CCL7: variants seen among roughly 807,000 people sequenced by gnomAD.
The protein encoded by CCL7 is C-C motif chemokine 7.
In CCL7, 8 loss-of-function variants were observed where a neutral mutation model predicts 7.1. The observed-to-expected ratio is 1.13, with a 90% confidence interval of 0.66 to 2.04. CCL7 has a LOEUF of 2.04. Among genes scored for constraint, CCL7 ranks in the 30% most tolerant of loss-of-function variants. The pLI is 0.00. For missense variants in CCL7, 134 were observed against 113.6 expected (o/e 1.18, Z -0.82); for synonymous variants, 46 against 41.2 (o/e 1.12, Z -0.45).
rs759205043 is a variant in CCL7, at chr17:34,272,102, G to A, written c.*300G>A. 4 of 256,582 alleles carry A rather than the reference G, an allele frequency of 1.6e-5. No homozygotes were observed. The highest frequency in any genetic ancestry group is 2.9e-5 in the Non-Finnish European group (4 of 135,960). The allele number at this position is 256,582 out of a possible 1,614,324, so 15.9% of individuals were successfully genotyped here. On this transcript the variant is annotated 3_prime_UTR_variant, in exon 3 of 3. Coordinates refer to ENST00000378569, the MANE Select transcript of CCL7 (RefSeq NM_006273.4). ...TCTACCTCATGGGGGTATTGTATAAGTCCTTGCAAGAATCAGTGCAAAGAT... is the reference window on the plus strand; with the variant it reads ...TCTACCTCATGGGGGTATTGTATAAATCCTTGCAAGAATCAGTGCAAAGAT...
intron 1 of CCL7, among the ~76,000 whole-genome samples, chr17:34,270,742 C>A (rs1290257683): frequency 6.6e-6 from 1 of 152,160 alleles, no homozygotes; most frequent in Non-Finnish European, 1.5e-5. Context: ...TCTGTGGAAG[C>A]CCAGCTTCCA....
At position 34,272,227 on chromosome 17, in the gene CCL7, A is replaced by C. The variant is rs1224520582; in HGVS notation, c.*425A>C. 1 of 158,904 alleles carries C rather than the reference A, an allele frequency of 6.3e-6. No homozygotes were observed. Among genetic ancestry groups the C allele is most frequent in the Non-Finnish European group, 1.4e-5 (1 of 72,858 alleles). The allele number at this position is 158,904 out of a possible 1,614,324, so 9.8% of individuals were successfully genotyped here. A position where few individuals can be genotyped will look rare whatever the true frequency, so the allele number is the denominator to read the frequency against. On this transcript the variant is annotated 3_prime_UTR_variant, in exon 3 of 3. Transcript: ENST00000378569. ...TGACTCCCAAATTTTCACATAAAAT[A>C]GATTTTTGTATAACAGCTGCCATTC...
intron 1 of CCL7, 123 bp downstream of exon 1, chr17:34,270,489 CT>C: frequency 1.3e-6 from 1 of 783,004 alleles, no homozygotes; most frequent in Non-Finnish European, 2.0e-6. Flanking sequence ...GATAAGGTAA[CT>C]TAGAAAAAGG....
Position 34,271,777 on chromosome 17 carries a change from AG to A in CCL7, c.276del (p.Thr94ProfsTer10). ...WVQDFMKHLDKKTQTPKL is the reference protein window; with the variant it reads ...WVQDFMKHLDXKTQTPKL ...CAGGACTTTATGAAGCACCTGGACAAGAAAACCCAAACTCCAAAGCTTTGAA... is the reference window on the plus strand; with the variant it reads ...CAGGACTTTATGAAGCACCTGGACAAAAAACCCAAACTCCAAAGCTTTGAA... On this transcript the variant is annotated frameshift_variant, in exon 3 of 3. Coordinates refer to ENST00000378569, the MANE Select transcript of CCL7 (RefSeq NM_006273.4). LOFTEE classifies it high-confidence loss of function. 1.2e-6 allele frequency: 2 copies of A among 1,612,366 alleles called. No individual in the cohort carries two copies. The highest frequency in any genetic ancestry group is 1.7e-6 in the Non-Finnish European group (2 of 1,178,974).
intron 1 of CCL7, 61 bp downstream of exon 1, chr17:34,270,427 C>A: frequency 7.4e-7 from 1 of 1,354,338 alleles, no homozygotes; most frequent in Non-Finnish European, 1.0e-6. Context: ...TATCCTGGAC[C>A]AATCAAGAAG....
At chr17:34,270,439 C>T (rs1312798943) in intron 1 of CCL7, 73 bp downstream of exon 1, 39 of 1,183,912 alleles carry the variant, frequency 3.3e-5, no homozygotes, top group South Asian at 2.5e-4. Context: ...ATCAAGAAGA[C>T]CTGATACCCA....
chr17:34,270,347 C>A lies in CCL7; in HGVS notation c.57C>A (p.Pro19=). 1 of 1,614,182 alleles carries A rather than the reference C, an allele frequency of 6.2e-7. No homozygotes were observed. The highest frequency in any genetic ancestry group is 8.5e-7 in the Non-Finnish European group (1 of 1,180,010). The change falls in exon 1 of 3, where the codon CCC becomes CCA. Residue 19 remains proline, a synonymous_variant. Transcript: ENST00000378569. ...CLLLTAAAFS[P]QGLAQPVGIN... Reference sequence around the variant, plus strand: ...TGCTCACAGCAGCTGCTTTCAGCCCCCAGGGGCTTGCTCAGCCAGGTAAGG... The same window carrying A: ...TGCTCACAGCAGCTGCTTTCAGCCCACAGGGGCTTGCTCAGCCAGGTAAGG...
chr17:34,272,114 A>C lies in CCL7; in HGVS notation c.*312A>C. On this transcript the variant is annotated 3_prime_UTR_variant, in exon 3 of 3. Coordinates refer to ENST00000378569, the MANE Select transcript of CCL7 (RefSeq NM_006273.4). ...GGGTATTGTATAAGTCCTTGCAAGA[A>C]TCAGTGCAAAGATTTGCTTTAATTG... 1 of 230,766 alleles carries C rather than the reference A, an allele frequency of 4.3e-6. No individual in the cohort carries two copies. Among genetic ancestry groups the C allele is most frequent in the Non-Finnish European group, 8.4e-6 (1 of 119,732 alleles). The allele number at this position is 230,766 out of a possible 1,614,324, so 14.3% of individuals were successfully genotyped here. A position where few individuals can be genotyped will look rare whatever the true frequency, so the allele number is the denominator to read the frequency against.
chr17:34,270,317 T>C lies in CCL7; in HGVS notation c.27T>C (p.Cys9=), dbSNP rs763280882. 13 of 1,614,078 alleles carry C rather than the reference T, an allele frequency of 8.1e-6. No individual in the cohort carries two copies. Among genetic ancestry groups the C allele is most frequent in the Non-Finnish European group, 1.0e-5 (12 of 1,180,046 alleles). Residue 9 remains cysteine, a synonymous_variant, in exon 1 of 3, where the codon TGT becomes TGC. Coordinates refer to ENST00000378569, the MANE Select transcript of CCL7 (RefSeq NM_006273.4). MKASAALL[C]LLLTAAAFSP... ...TGAAAGCCTCTGCAGCACTTCTGTG[T>C]CTGCTGCTCACAGCAGCTGCTTTCA...
At position 34,270,238 on chromosome 17, in the gene CCL7, C is replaced by G. The variant is rs1157100495; in HGVS notation, c.-53C>G. 1.9e-6 allele frequency: 3 copies of G among 1,574,914 alleles called. 1 individual carries two copies. In the South Asian group the frequency reaches 3.3e-5, roughly 17 times the overall value. ...TCCAGAGGAGCAGAGGGGCTGAGAC[C>G]AAACCAGAAACCTCCAATTCTCATG... On this transcript the variant is annotated 5_prime_UTR_variant, in exon 1 of 3. Transcript: ENST00000378569.
intron 1 of CCL7, 48 bp from the exon 2 acceptor site, chr17:34,271,098 C>T (rs759357997): frequency 1.2e-6 from 2 of 1,613,450 alleles, no homozygotes; most frequent in South Asian, 1.1e-5. Flanking sequence ...AACAGAAAGA[C>T]CCAGGACACA....
intron 2 of CCL7, 53 bp from the exon 3 acceptor site, chr17:34,271,644 C>T (rs1908167951): frequency 2.5e-6 from 3 of 1,215,538 alleles, no homozygotes; most frequent in African/African-American, 1.5e-5. Context: ...GGTCACACTC[C>T]CAGGCTGAAC....
intron 2 of CCL7, among the ~76,000 whole-genome samples, 191 bp from the exon 3 acceptor site, chr17:34,271,506 G>C (rs768997914): frequency 6.6e-6 from 1 of 152,170 alleles, no homozygotes; most frequent in Non-Finnish European, 1.5e-5. Context: ...GGAACCAAGA[G>C]AGATTCACTT....
At position 34,271,060 on chromosome 17, in the gene CCL7, C is replaced by T. The variant is rs770381517; in HGVS notation, c.77-86C>T. The T allele has an allele frequency of 5.0e-6, 8 of 1,591,210 alleles. No individual in the cohort carries two copies. In the African/African-American group the frequency reaches 9.4e-5, roughly 19 times the overall value. ...TCCACCTCTTCCTTTCTTTCTGATT[C>T]CTTCTTCTTACCATTCCCTGTTTTA... On this transcript the variant is annotated intron_variant, in intron 1 of 2. Transcript: ENST00000378569.
Position 34,272,087 on chromosome 17 carries a change from G to A in CCL7, c.*285G>A, listed in dbSNP as rs1438142615. The A allele has an allele frequency of 3.2e-6, 1 of 316,594 alleles. No homozygotes were observed. Among genetic ancestry groups the A allele is most frequent in the African/African-American group, 2.3e-5 (1 of 44,324 alleles). 19.6% of individuals were successfully genotyped at this position (316,594 alleles called of 1,614,324 possible). A position where few individuals can be genotyped will look rare whatever the true frequency, so the allele number is the denominator to read the frequency against. On this transcript the variant is annotated 3_prime_UTR_variant, in exon 3 of 3. Transcript: ENST00000378569. ...GATGCTCCTCCCTTCTCTACCTCAT[G>A]GGGGTATTGTATAAGTCCTTGCAAG...
chr17:34,271,103 GAC>G, intron 1 of CCL7, 41 bp from the exon 2 acceptor site: 2 of 1,613,688 alleles, frequency 1.2e-6, no homozygotes, highest in Non-Finnish European at 1.7e-6. Context: ...AAAGACCCAG[GAC>G]ACACCCTCAA....
chr17:34,270,626 C>T (rs1479887717), intron 1 of CCL7, among the ~76,000 whole-genome samples: 1 of 152,218 alleles, frequency 6.6e-6, no homozygotes, highest in Admixed American at 6.5e-5. Context: ...GCAGTTACCA[C>T]TCCAGCTGCT....
In CCL7 at chr17:34,271,996, AT is replaced by A. The variant is rs902706365; in HGVS notation, c.*198del. ...AATATTTTAATTTAATCTTCCATGG[AT>A]TTTGGTGGGTTTTGAACATAAAGCC... On this transcript the variant is annotated 3_prime_UTR_variant, in exon 3 of 3. Coordinates refer to ENST00000378569, the MANE Select transcript of CCL7 (RefSeq NM_006273.4). The A allele has an allele frequency of 1.0e-5, 5 of 488,360 alleles. No homozygotes were observed. Among genetic ancestry groups the A allele is most frequent in the Admixed American group, 8.0e-5 (2 of 25,058 alleles). 30.3% of individuals were successfully genotyped at this position (488,360 alleles called of 1,614,324 possible).
At chr17:34,271,332 C>G (rs1289910289) in intron 2 of CCL7, 69 bp downstream of exon 2, 1 of 1,256,500 alleles carries the variant, frequency 8.0e-7, no homozygotes, top group East Asian at 2.3e-5. Context: ...GGGAATAGGA[C>G]TAGTATCAGA....
Sources: allele counts gnomAD v4.1 joint callset (sites outside exome capture counted in the v4.1 genomes callset), GRCh38; gene constraint gnomAD v4.1.1; transcripts MANE v1.5; gene names NCBI Gene and HGNC (gene_info 2026-07-23, HGNC 2026-07-21).